The following TOX2 variants were observed in gnomAD, a reference collection of about 807,000 sequenced individuals.
TOX2 encodes granulosa cell HMG box 1.
Under a neutral mutation model 47.4 loss-of-function variants are expected in TOX2, and 15 were observed. The ratio of observed to expected loss-of-function variants is 0.32; its 90% CI spans 0.21 to 0.49. TOX2 has a LOEUF of 0.49. Ranked by LOEUF, TOX2 falls within the 20% of genes least tolerant of loss-of-function variation. TOX2 has a pLI of 0.99. For synonymous variants in TOX2, 290 were observed against 296.6 expected (o/e 0.98, Z 0.23); for missense variants, 622 against 673.1 (o/e 0.92, Z 0.84).
chr20:43,941,631 C>T (rs985588910), intron 1 of TOX2, among the ~76,000 whole-genome samples: 4 of 152,162 alleles, frequency 2.6e-5, no homozygotes, highest in Non-Finnish European at 5.9e-5. Context: ...CTGTACCTGG[C>T]CTAAAGCCCT....
chr20:43,988,056 A>G (rs1297982437), intron 2 of TOX2, among the ~76,000 whole-genome samples: 1 of 150,520 alleles, frequency 6.6e-6, no homozygotes, highest in East Asian at 2.0e-4. Context: ...AGTAGCGGGG[A>G]TTACAGGCAC....
Position 43,917,167 on chromosome 20 carries a change from G to A in TOX2, c.99+2177G>A, listed in dbSNP as rs569584433. 2.6e-5 allele frequency among the ~76,000 whole-genome samples: 4 copies of A among 152,312 alleles called. No individual in the cohort carries two copies. In the South Asian group the frequency reaches 8.3e-4, roughly 32 times the overall value. On this transcript the variant is annotated intron_variant, in intron 1 of 8. Transcript: ENST00000341197. ...TACTCAGTCCTTCAGGCTAGAGCAG[G>A]GTGAGGCGGGAGGGGAGAGGTCACT... is the stretch of plus-strand genomic sequence containing the variant.
chr20:43,943,865 T>TTATC (rs143549992), intron 1 of TOX2, among the ~76,000 whole-genome samples: 1 of 151,892 alleles, frequency 6.6e-6, no homozygotes, highest in East Asian at 1.9e-4. Flanking sequence ...GAGCCATGAT[T>TTATC]TATCCAATCC....
chr20:43,969,429 G>C (rs1455159846), intron 1 of TOX2, among the ~76,000 whole-genome samples: 1 of 152,176 alleles, frequency 6.6e-6, no homozygotes, highest in Non-Finnish European at 1.5e-5. Context: ...TGTGTCTGAG[G>C]GCAGAGGTGA....
chr20:44,023,752 G>C (rs1036053063), intron 3 of TOX2, among the ~76,000 whole-genome samples: 3 of 152,402 alleles, frequency 2.0e-5, no homozygotes, highest in African/African-American at 7.2e-5. Flanking sequence ...GAAGGTCTGA[G>C]TCCCACATTT....
rs1274036688 is a variant in TOX2 at position 44,069,468 on chromosome 20, A to T, written c.*782A>T. The T allele has an allele frequency of 6.5e-6, 1 of 153,448 alleles. No homozygotes were observed. The highest frequency in any genetic ancestry group is 1.5e-5 in the Non-Finnish European group (1 of 68,610). The allele number at this position is 153,448 out of a possible 1,614,324, so 9.5% of individuals were successfully genotyped here. ...AACCTTGAGAACGAAGTTACAGCTT[A>T]TCCTACCGTGTGTGTGGTTTTGGGG... On this transcript the variant is annotated 3_prime_UTR_variant, in exon 9 of 9. Transcript: ENST00000341197.
intron 3 of TOX2, among the ~76,000 whole-genome samples, chr20:44,014,150 A>AC (rs1243316509): frequency 6.7e-6 from 1 of 149,364 alleles, no homozygotes; most frequent in African/African-American, 2.5e-5. Flanking sequence ...AAAAAAAAAA[A>AC]AAAAAGGAAA....
intron 4 of TOX2, among the ~76,000 whole-genome samples, chr20:44,051,875 T>A (rs1309917268): frequency 6.6e-6 from 1 of 152,184 alleles, no homozygotes; most frequent in East Asian, 1.9e-4. Flanking sequence ...TGAGCGTCCT[T>A]GACAAGCTGT....
At chr20:43,975,611 T>C (rs1167819953) in intron 2 of TOX2, among the ~76,000 whole-genome samples, 1 of 152,146 alleles carries the variant, frequency 6.6e-6, no homozygotes, top group Non-Finnish European at 1.5e-5. Context: ...AAATGTCACT[T>C]CTGCAGAGAG....
At chr20:43,998,371 A>G (rs1164619549) in intron 2 of TOX2, among the ~76,000 whole-genome samples, 1 of 152,200 alleles carries the variant, frequency 6.6e-6, no homozygotes, top group Non-Finnish European at 1.5e-5. Context: ...TACCTTTTGA[A>G]GAGTTTGAGA....
chr20:43,932,377 G>T (rs530524914), intron 1 of TOX2, among the ~76,000 whole-genome samples: 54 of 152,282 alleles, frequency 3.5e-4, no homozygotes, highest in Admixed American at 7.8e-4. Context: ...TATTAATGCA[G>T]ATTTCAATAA....
intron 1 of TOX2, among the ~76,000 whole-genome samples, chr20:43,949,177 C>T (rs939003498): frequency 1.3e-5 from 2 of 152,232 alleles, no homozygotes; most frequent in South Asian, 2.1e-4. Context: ...GTCCACCCCT[C>T]GGCTTAGGCC....
intron 2 of TOX2, among the ~76,000 whole-genome samples, chr20:43,994,396 C>T (rs1266269939): frequency 2.0e-5 from 3 of 146,976 alleles, no homozygotes; most frequent in Non-Finnish European, 3.0e-5. Context: ...GAGTCAGAGG[C>T]TGCAGTGAGC....
chr20:44,053,584 CTATA>C (rs2071564486), intron 4 of TOX2, among the ~76,000 whole-genome samples: 2 of 124,016 alleles, frequency 1.6e-5, no homozygotes, highest in Admixed American at 1.8e-4. Context: ...CATATATATA[CTATA>C]TATACACACA....
At chr20:44,053,439 T>TACACACAC (rs111951284) in intron 4 of TOX2, among the ~76,000 whole-genome samples, 82 of 143,144 alleles carry the variant, frequency 5.7e-4, no homozygotes, top group Admixed American at 1.1e-3. Flanking sequence ...GGCAGATATA[T>TACACACAC]ACACACACAC....
intron 1 of TOX2, among the ~76,000 whole-genome samples, chr20:43,963,760 G>A (rs557664156): frequency 6.6e-6 from 1 of 152,290 alleles, no homozygotes; most frequent in African/African-American, 2.4e-5. Flanking sequence ...GGAAAAATCG[G>A]CCCTGGCAGT....
intron 3 of TOX2, among the ~76,000 whole-genome samples, chr20:44,020,761 G>A (rs2070963082): frequency 1.3e-5 from 2 of 152,224 alleles, no homozygotes; most frequent in Admixed American, 6.5e-5. Context: ...TGCCAGCCCA[G>A]AACACTAGGC....
intron 1 of TOX2, among the ~76,000 whole-genome samples, chr20:43,965,938 G>C (rs1038290104): frequency 1.3e-5 from 2 of 152,224 alleles, no homozygotes; most frequent in Non-Finnish European, 2.9e-5. Context: ...CTCAGTGACA[G>C]AGGAGACAAT....
chr20:44,015,930 A>G (rs910816749), intron 3 of TOX2, among the ~76,000 whole-genome samples: 1 of 152,172 alleles, frequency 6.6e-6, no homozygotes, highest in African/African-American at 2.4e-5. Flanking sequence ...AACTCAGGCC[A>G]GTGATAAGCT....
Sources: allele counts gnomAD v4.1 joint callset (sites outside exome capture counted in the v4.1 genomes callset), GRCh38; gene constraint gnomAD v4.1.1; transcripts MANE v1.5; gene names NCBI Gene and HGNC (gene_info 2026-07-23, HGNC 2026-07-21).